Variants in CLDN14 observed in about 807,000 individuals in gnomAD.
CLDN14 encodes claudin 14.
A neutral mutation model predicts 2.1 loss-of-function variants in CLDN14; 2 were observed. The ratio of observed to expected loss-of-function variants is 0.96; its 90% CI spans 0.39 to 3.01. CLDN14 has a LOEUF of 3.01. CLDN14 is among the 30% of genes most tolerant of loss of function. The pLI is 0.09. For missense variants in CLDN14, 298 were observed against 328.0 expected, an observed-to-expected ratio of 0.91 and a Z score of 0.71; for synonymous variants, 136 against 154.4, an observed-to-expected ratio of 0.88 and a Z score of 0.88.
chr21:36,510,790 A>G (rs564270990), intron 1 of CLDN14, among the ~76,000 whole-genome samples: 3 of 152,230 alleles, frequency 2.0e-5, no homozygotes, highest in Non-Finnish European at 4.4e-5. Flanking sequence ...ATGTAATCCA[A>G]TGTTGGTCTG....
At chr21:36,472,905 C>A (rs1229029887) in intron 1 of CLDN14, among the ~76,000 whole-genome samples, 2 of 152,194 alleles carry the variant, frequency 1.3e-5, no homozygotes, top group African/African-American at 2.4e-5. Context: ...AATACTATCA[C>A]ATCGGGGCTT....
At position 36,499,345 on chromosome 21, in the gene CLDN14, G is replaced by A. The variant is rs1456271235; in HGVS notation, c.-82+11018C>T. ...GCTCGCTGCAACCTCTGCCTCCTGG[G>A]TTCAAGCGATTCTCCTGCCTCAGCC... On this transcript the variant is annotated intron_variant, in intron 2 of 2. Transcript: ENST00000342108. The surrounding 1 kb of genome is among the most constrained non-coding windows in gnomAD (Gnocchi z 4.7). Among the ~76,000 whole-genome samples the A allele has an allele frequency of 6.6e-5, 10 of 152,172 alleles. No individual in the cohort carries two copies. Among genetic ancestry groups the A allele is most frequent in the Admixed American group, 5.9e-4 (9 of 15,264 alleles).
chr21:36,554,089 C>T (rs1211398412), intron 1 of CLDN14, among the ~76,000 whole-genome samples: 1 of 152,152 alleles, frequency 6.6e-6, no homozygotes, highest in Non-Finnish European at 1.5e-5. Flanking sequence ...GTCCATGCCT[C>T]TGTCTGTAAG....
intron 1 of CLDN14, among the ~76,000 whole-genome samples, chr21:36,554,228 C>G (rs1039807314): frequency 1.3e-4 from 20 of 152,206 alleles, no homozygotes; most frequent in Admixed American, 7.9e-4. Flanking sequence ...TCCCAACCCC[C>G]CCAGGCCCTG....
chr21:36,494,614 G>A (rs1273925970), intron 2 of CLDN14, among the ~76,000 whole-genome samples: 2 of 152,198 alleles, frequency 1.3e-5, no homozygotes, highest in African/African-American at 4.8e-5. Flanking sequence ...GAGTTCGTAC[G>A]GGTGGGCCCT....
At chr21:36,573,746 A>G (rs955292792) in intron 1 of CLDN14, among the ~76,000 whole-genome samples, 2 of 152,148 alleles carry the variant, frequency 1.3e-5, no homozygotes, top group Admixed American at 6.5e-5. Context: ...ACTATACAAA[A>G]CTCAGTTATA....
intron 1 of CLDN14, among the ~76,000 whole-genome samples, chr21:36,517,037 G>A (rs965608600): frequency 1.3e-5 from 2 of 151,666 alleles, no homozygotes; most frequent in South Asian, 2.1e-4. Flanking sequence ...ACGGGGTTTC[G>A]CCAAGTTGGC....
At chr21:36,486,986 A>ATTTT in intron 2 of CLDN14, 14 of 281,744 alleles carry the variant, frequency 5.0e-5, no homozygotes, top group South Asian at 1.1e-4. Context: ...ATTTTGTTTA[A>ATTTT]TTTTTTTTTT....
intron 2 of CLDN14, chr21:36,486,346 T>A: frequency 1.2e-6 from 1 of 854,056 alleles, no homozygotes; most frequent in Non-Finnish European, 2.0e-6. Flanking sequence ...GAGCCTTCAG[T>A]CCCAGTTGTA....
intron 2 of CLDN14, among the ~76,000 whole-genome samples, chr21:36,507,841 T>C (rs183080063): frequency 7.9e-5 from 12 of 152,334 alleles, no homozygotes; most frequent in Admixed American, 2.6e-4. Context: ...GTAGCACTGT[T>C]AACATTTACA....
chr21:36,522,902 TCA>T (rs1461540582), intron 1 of CLDN14, among the ~76,000 whole-genome samples: 1 of 152,138 alleles, frequency 6.6e-6, no homozygotes, highest in East Asian at 1.9e-4. Context: ...GATCCAGTGT[TCA>T]CTGTAGCCAT....
chr21:36,513,983 C>A (rs1466417911), intron 1 of CLDN14, among the ~76,000 whole-genome samples: 1 of 152,178 alleles, frequency 6.6e-6, no homozygotes, highest in Non-Finnish European at 1.5e-5. Flanking sequence ...CAGGTTCACA[C>A]CACCATGCCT....
intron 1 of CLDN14, among the ~76,000 whole-genome samples, chr21:36,525,277 A>C (rs1297234570): frequency 6.6e-6 from 1 of 152,180 alleles, no homozygotes; most frequent in Non-Finnish European, 1.5e-5. Context: ...GATGACATGC[A>C]CTAGGGGACT....
chr21:36,488,220 C>CCTT (rs2086917554), intron 2 of CLDN14, among the ~76,000 whole-genome samples: 6 of 97,296 alleles, frequency 6.2e-5, no homozygotes, highest in African/African-American at 2.1e-4. Flanking sequence ...ACTGTGATTC[C>CCTT]CCTTCCTTCC....
intron 1 of CLDN14, among the ~76,000 whole-genome samples, chr21:36,524,593 G>A (rs2146496214): frequency 6.6e-6 from 1 of 152,360 alleles, no homozygotes; most frequent in East Asian, 1.9e-4. Flanking sequence ...GCCTAGAAAT[G>A]AGGGGGATGG....
intron 1 of CLDN14, among the ~76,000 whole-genome samples, chr21:36,558,340 A>G (rs138101522): frequency 6.6e-6 from 1 of 152,306 alleles, no homozygotes; most frequent in African/African-American, 2.4e-5. Context: ...GAATTTTGAT[A>G]GAGATTACAA....
chr21:36,501,337 T>TTTTTTG lies in CLDN14; in HGVS notation c.-82+9025_-82+9026insCAAAAA, dbSNP rs2087090577. Among the ~76,000 whole-genome samples the TTTTTTG allele has an allele frequency of 4.1e-5, 2 of 48,736 alleles. 1 individual carries two copies. The highest frequency in any genetic ancestry group is 7.9e-5 in the Non-Finnish European group (2 of 25,452). 32.0% of individuals were successfully genotyped at this position (48,736 alleles called of 152,430 possible). A position where few individuals can be genotyped will look rare whatever the true frequency, so the allele number is the denominator to read the frequency against. ...GAGTTTCAGTCAATATCTCACTTTT[T>TTTTTTG]TTTTTTTTTTTTTTTTTTTTTTTTT... On this transcript the variant is annotated intron_variant, in intron 2 of 2. Coordinates refer to the CLDN14 transcript ENST00000342108.
chr21:36,520,751 A>G (rs534718871), intron 1 of CLDN14, among the ~76,000 whole-genome samples: 40 of 152,336 alleles, frequency 2.6e-4, no homozygotes, highest in Non-Finnish European at 5.4e-4. Context: ...ACACAATTCA[A>G]GTCACAACAG....
rs145678531 is a variant in CLDN14, at chr21:36,473,197, C to T, written c.-82+6298G>A. ...CTCTCAGGCTCAAGTGATCCTCCCA[C>T]CTCAGCTTCCTGAGTAGCTGGGACT... is the stretch of plus-strand genomic sequence containing the variant. On this transcript the variant is annotated intron_variant, in intron 1 of 1. Coordinates refer to ENST00000399135, the MANE Select transcript of CLDN14 (RefSeq NM_001146079.2). Among the ~76,000 whole-genome samples, 507 of 152,258 alleles carry T rather than the reference C, an allele frequency of 3.3e-3. 5 individuals are homozygous for T. The highest frequency in any genetic ancestry group is 0.012 in the African/African-American group (489 of 41,554).
Sources: gnomAD v4.1 joint callset for allele counts (sites outside exome capture counted in the v4.1 genomes callset) on GRCh38, gnomAD v4.1.1 for gene constraint, Gnocchi (gnomAD v3.1) non-coding constraint, MANE v1.5 for transcripts, NCBI Gene and HGNC (gene_info 2026-07-23, HGNC 2026-07-21) for gene names.